Variants in CSGALNACT1 observed in about 807,000 individuals in gnomAD.
CSGALNACT1 encodes the protein chondroitin sulfate N-acetylgalactosaminyltransferase 1, also known as beta4GalNAcT-1.
Under a neutral mutation model 51.0 loss-of-function variants are expected in CSGALNACT1, and 52 were observed. That is an observed-to-expected ratio of 1.02 (90% CI 0.82 to 1.29). The LOEUF is 1.29. CSGALNACT1 is among the 50% of genes most tolerant of loss of function. The pLI, the probability that CSGALNACT1 is intolerant of heterozygous loss-of-function variation, is 0.00. For missense variants in CSGALNACT1, 935 were observed against 679.2 expected (o/e 1.38, Z -4.19); for synonymous variants, 341 against 254.4 (o/e 1.34, Z -3.24).
At position 19,554,262 on chromosome 8, in the gene CSGALNACT1, C is replaced by T. The variant is rs749033684; in HGVS notation, c.-297+36898G>A. Among the ~76,000 whole-genome samples the T allele has an allele frequency of 2.0e-5, 3 of 152,128 alleles. No individual in the cohort carries two copies. The East Asian group carries it at 5.8e-4, about 29-fold the overall frequency. Reference sequence around the variant, plus strand: ...ATTTATCATCAGCAACACTGCACATCAAAAGTCAATGGAGCAATGTCTTCA... The same window carrying T: ...ATTTATCATCAGCAACACTGCACATTAAAAGTCAATGGAGCAATGTCTTCA... On this transcript the variant is annotated intron_variant, in intron 3 of 9. Coordinates refer to ENST00000454498, the Ensembl canonical transcript of CSGALNACT1.
At chr8:19,560,717 CT>C (rs2040516262) in intron 3 of CSGALNACT1, among the ~76,000 whole-genome samples, 1 of 152,186 alleles carries the variant, frequency 6.6e-6, no homozygotes, top group Non-Finnish European at 1.5e-5. Context: ...TATGACACTA[CT>C]AAGTGCTGAC....
chr8:19,410,945 T>C (rs1489360374), intron 8 of CSGALNACT1, among the ~76,000 whole-genome samples: 1 of 152,114 alleles, frequency 6.6e-6, no homozygotes, highest in Non-Finnish European at 1.5e-5. Context: ...CTGGCGGGAG[T>C]GTGTGCCCTC....
At chr8:19,426,300 C>T (rs149073381) in intron 6 of CSGALNACT1, among the ~76,000 whole-genome samples, 2 of 152,294 alleles carry the variant, frequency 1.3e-5, no homozygotes, top group African/African-American at 4.8e-5. Flanking sequence ...ACACCCACCT[C>T]CAACATCAGA....
Position 19,677,303 on chromosome 8 carries a change from A to G in CSGALNACT1, c.-544+5170T>C, listed in dbSNP as rs563527440. ...TTTTTATATCTTTTACAGAGACAGC[A>G]TTTTGCCATGTTGGCTAGGCTGGTC... On this transcript the variant is annotated intron_variant, in intron 1 of 9. Transcript: ENST00000332246. 3.9e-5 allele frequency among the ~76,000 whole-genome samples: 6 copies of G among 152,200 alleles called. No individual in the cohort carries two copies. In the South Asian group the frequency reaches 1.2e-3, roughly 32 times the overall value.
At chr8:19,420,340 C>A in exon 7 of CSGALNACT1, 1 of 1,614,108 alleles carries the variant, frequency 6.2e-7, no homozygotes, top group Non-Finnish European at 8.5e-7. Flanking sequence ...TGATCCATAC[C>A]TGGCTGTGTA....
chr8:19,628,272 C>T (rs931155480), intron 1 of CSGALNACT1, among the ~76,000 whole-genome samples: 2 of 152,058 alleles, frequency 1.3e-5, no homozygotes, highest in Non-Finnish European at 2.9e-5. Context: ...GTAATCATGG[C>T]GCAAGGCCAA....
At position 19,467,754 on chromosome 8, in the gene CSGALNACT1, G is replaced by A. The variant is rs868669667; in HGVS notation, c.635-9112C>T. ...AATCCCAGAATTTTGGGAGGCCAAG[G>A]CAGGTGGATCACTTGAGCCTAGGAG... On this transcript the variant is annotated intron_variant, in intron 4 of 9. Transcript: ENST00000454498. Among the ~76,000 whole-genome samples the A allele has an allele frequency of 2.0e-5, 3 of 152,168 alleles. No homozygotes were observed. The South Asian group carries it at 6.2e-4, about 31-fold the overall frequency.
chr8:19,573,418 A>G (rs886130636), intron 3 of CSGALNACT1, among the ~76,000 whole-genome samples: 3 of 152,102 alleles, frequency 2.0e-5, no homozygotes, highest in African/African-American at 7.2e-5. Flanking sequence ...TAGTTGACTA[A>G]GAGTCACTTA....
intron 4 of CSGALNACT1, among the ~76,000 whole-genome samples, chr8:19,476,402 G>C (rs2069655532): frequency 6.6e-6 from 1 of 152,006 alleles, no homozygotes; most frequent in Admixed American, 6.6e-5. Flanking sequence ...CACCACGCCT[G>C]GCTAATATAT....
At chr8:19,560,485 G>A (rs1413383762) in intron 3 of CSGALNACT1, among the ~76,000 whole-genome samples, 1 of 152,162 alleles carries the variant, frequency 6.6e-6, no homozygotes, top group East Asian at 1.9e-4. Context: ...TCAGTCACAT[G>A]TATAACCAAC....
At chr8:19,552,206 A>C (rs2088301690) in intron 3 of CSGALNACT1, among the ~76,000 whole-genome samples, 1 of 152,216 alleles carries the variant, frequency 6.6e-6, no homozygotes, top group African/African-American at 2.4e-5. Flanking sequence ...GAGTAGATGA[A>C]GAATTATTAT....
intron 1 of CSGALNACT1, among the ~76,000 whole-genome samples, chr8:19,694,288 C>A (rs1188639314): frequency 6.6e-6 from 1 of 152,128 alleles, no homozygotes; most frequent in African/African-American, 2.4e-5. Flanking sequence ...TTGGCAGCTA[C>A]CCACATAAGT....
At chr8:19,478,633 T>G (rs2070477996) in intron 4 of CSGALNACT1, among the ~76,000 whole-genome samples, 1 of 152,148 alleles carries the variant, frequency 6.6e-6, no homozygotes, top group African/African-American at 2.4e-5. Flanking sequence ...CATGGGACAC[T>G]GGTACTTCGC....
At chr8:19,489,271 G>T (rs997628006) in intron 4 of CSGALNACT1, among the ~76,000 whole-genome samples, 1 of 152,082 alleles carries the variant, frequency 6.6e-6, no homozygotes, top group Non-Finnish European at 1.5e-5. Context: ...TACAGATAGG[G>T]AAGAATGAAA....
chr8:19,673,525 T>A (rs2059949147), intron 1 of CSGALNACT1, among the ~76,000 whole-genome samples: 1 of 152,234 alleles, frequency 6.6e-6, no homozygotes, highest in African/African-American at 2.4e-5. Flanking sequence ...CTCTTGTCTG[T>A]CTTCAAGATG....
chr8:19,480,313 G>C (rs1044280898), intron 4 of CSGALNACT1, among the ~76,000 whole-genome samples: 1 of 152,094 alleles, frequency 6.6e-6, no homozygotes, highest in African/African-American at 2.4e-5. Flanking sequence ...CCCTCTATGT[G>C]TCCATGTGTT....
At chr8:19,636,327 CA>C (rs202193390) in intron 1 of CSGALNACT1, among the ~76,000 whole-genome samples, 4 of 151,804 alleles carry the variant, frequency 2.6e-5, no homozygotes, top group South Asian at 2.1e-4. Context: ...AGTATATATT[CA>C]AAAAAACACT....
chr8:19,584,557 T>C (rs1247047024), intron 3 of CSGALNACT1, among the ~76,000 whole-genome samples: 1 of 152,254 alleles, frequency 6.6e-6, no homozygotes, highest in African/African-American at 2.4e-5. Flanking sequence ...TATAAAATTC[T>C]AGCTAACGCC....
intron 4 of CSGALNACT1, among the ~76,000 whole-genome samples, chr8:19,490,582 G>A (rs561627284): frequency 3.1e-4 from 47 of 152,170 alleles, no homozygotes; most frequent in Non-Finnish European, 5.4e-4. Context: ...CACCTTTTCT[G>A]CAGAGCCAAC....
Sources: gnomAD v4.1 joint callset for allele counts (sites outside exome capture counted in the v4.1 genomes callset) on GRCh38, gnomAD v4.1.1 for gene constraint, MANE v1.5 for transcripts, NCBI Gene and HGNC (gene_info 2026-07-23, HGNC 2026-07-21) for gene names.